Variants in RGSL1 observed in about 807,000 individuals in gnomAD.
RGSL1 encodes regulator of G protein signaling like 1.
Under a neutral mutation model 124.7 loss-of-function variants are expected in RGSL1, and 97 were observed. The observed-to-expected ratio is 0.78, with a 90% CI of 0.66 to 0.92. RGSL1 has a LOEUF of 0.92. Among genes scored for constraint, RGSL1 ranks in the 40% least tolerant of loss-of-function variants. The probability of loss-of-function intolerance (pLI) is 0.00; values close to 1 mark genes in which losing one functional copy is unlikely to be tolerated. For missense variants in RGSL1, 1,233 were observed against 1,288.4 expected, an observed-to-expected ratio of 0.96 and a Z score of 0.66; for synonymous variants, 424 against 438.1, an observed-to-expected ratio of 0.97 and a Z score of 0.40.
At chr1:182,527,315 G>A (rs922048023) in intron 10 of RGSL1, among the ~76,000 whole-genome samples, 1 of 152,038 alleles carries the variant, frequency 6.6e-6, no homozygotes, top group African/African-American at 2.4e-5. Context: ...GAATTCCCTT[G>A]AAAAAATTGT....
At chr1:182,514,463 C>G (rs1182957808) in intron 9 of RGSL1, among the ~76,000 whole-genome samples, 1 of 152,200 alleles carries the variant, frequency 6.6e-6, no homozygotes, top group Non-Finnish European at 1.5e-5. Flanking sequence ...TGGACTGCTT[C>G]TCAGTGTTCC....
At chr1:182,519,487 C>T (rs1658166083) in intron 9 of RGSL1, among the ~76,000 whole-genome samples, 1 of 36,768 alleles carries the variant, frequency 2.7e-5, no homozygotes. Flanking sequence ...GAAAATAGTT[C>T]TTTTTTTCCC....
intron 6 of RGSL1, among the ~76,000 whole-genome samples, chr1:182,477,500 C>T (rs1654385543): frequency 6.6e-6 from 1 of 152,184 alleles, no homozygotes; most frequent in South Asian, 2.1e-4. Context: ...CTTGCTGACC[C>T]CAGTCCTGAT....
rs776323343 is a variant in RGSL1, at chr1:182,474,550, A to G, written c.1431+8A>G. ...CAGAAGGAGATTTGCAAGGTAGGCC[A>G]TGCCTCACAGAAATAAGTTATATCT... On this transcript the variant is annotated splice_region_variant and intron_variant, in intron 6 of 21. Coordinates refer to ENST00000294854, the MANE Select transcript of RGSL1 (RefSeq NM_001137669.2). The G allele has an allele frequency of 6.5e-6, 10 of 1,530,054 alleles. No homozygotes were observed. The East Asian group carries it at 9.8e-5, about 15-fold the overall frequency. The allele number at this position is 1,530,054 out of a possible 1,614,324, so 94.8% of individuals were successfully genotyped here.
chr1:182,550,934 C>T (rs1165443548), intron 17 of RGSL1, 166 bp from the exon 18 acceptor site: 2 of 607,988 alleles, frequency 3.3e-6, no homozygotes, highest in South Asian at 2.0e-5. Flanking sequence ...GGCCTCAGAA[C>T]AAAGGCCACT....
rs1651780620 is a variant in RGSL1, at chr1:182,451,119, C to T, written c.13+941C>T. 2.9e-5 allele frequency among the ~76,000 whole-genome samples: 4 copies of T among 139,250 alleles called. No homozygotes were observed. In the Admixed American group the frequency reaches 3.0e-4, roughly 11 times the overall value. The allele number at this position is 139,250 out of a possible 152,430, so 91.4% of individuals were successfully genotyped here. A position where few individuals can be genotyped will look rare whatever the true frequency, so the allele number is the denominator to read the frequency against. ...TGAGATCTTGCCACTGCATTCCAGC[C>T]TGGGTGACGGAGTGAGACTTTGGCA... On this transcript the variant is annotated intron_variant, in intron 1 of 21. Coordinates refer to ENST00000294854, the MANE Select transcript of RGSL1 (RefSeq NM_001137669.2).
Position 182,527,674 on chromosome 1 carries a change from C to A in RGSL1, c.2027C>A (p.Thr676Lys). 6.4e-7 allele frequency: 1 copy of A among 1,551,378 alleles called. No homozygotes were observed. The highest frequency in any genetic ancestry group is 8.7e-7 in the Non-Finnish European group (1 of 1,146,614). Residue 676 changes from threonine to lysine, a missense_variant, in exon 11 of 22, where the codon ACA (threonine) becomes AAA (lysine). Thr to Lys is a moderately conservative substitution (Grantham distance 78). Coordinates refer to ENST00000294854, the MANE Select transcript of RGSL1 (RefSeq NM_001137669.2). ...RKAKIPLQFLTAVQKISIETN... is the reference protein window; with the variant it reads ...RKAKIPLQFLKAVQKISIETN... ...GCTAAAATCCCATTGCAATTTCTCA[C>A]AGCTGTACAGAAGATCAGTATAGAG...
chr1:182,520,330 T>C (rs1354397804), intron 9 of RGSL1, among the ~76,000 whole-genome samples: 1 of 152,206 alleles, frequency 6.6e-6, no homozygotes, highest in Admixed American at 6.5e-5. Flanking sequence ...CAGGGCCTCT[T>C]CTCCTTTTGC....
intron 6 of RGSL1, among the ~76,000 whole-genome samples, chr1:182,483,232 G>A (rs1364551395): frequency 6.6e-6 from 1 of 151,974 alleles, no homozygotes; most frequent in Non-Finnish European, 1.5e-5. Context: ...TGAGAGAATA[G>A]GTCTTGTGTT....
intron 9 of RGSL1, among the ~76,000 whole-genome samples, chr1:182,515,497 G>T (rs1657798480): frequency 7.8e-6 from 1 of 128,868 alleles, no homozygotes; most frequent in Admixed American, 9.2e-5. Context: ...CCTATCATAA[G>T]CAGAGTGCAT....
intron 4 of RGSL1, among the ~76,000 whole-genome samples, chr1:182,461,313 GTAATAA>G (rs35515032): frequency 3.3e-5 from 5 of 150,502 alleles, no homozygotes; most frequent in Non-Finnish European, 4.4e-5. Flanking sequence ...ATATCCTACA[GTAATAA>G]TAATAATAAT....
At chr1:182,488,411 G>A (rs190642583) in intron 7 of RGSL1, 64 bp downstream of exon 7, 2 of 1,358,488 alleles carry the variant, frequency 1.5e-6, no homozygotes, top group Admixed American at 3.9e-5. Flanking sequence ...AGTAATTACT[G>A]TTTTAAAAGG....
rs1659256181 is a variant in RGSL1, at chr1:182,532,658, C to G, written c.2365-4C>G. On this transcript the variant is annotated splice_polypyrimidine_tract_variant and splice_region_variant and intron_variant, in intron 13 of 21. Transcript: ENST00000294854. ...ACATGTTATACTCCTCTTTCTTTCCCCAGAAGAAAGGCTGGATGAGAATGA... is the reference window on the plus strand; with the variant it reads ...ACATGTTATACTCCTCTTTCTTTCCGCAGAAGAAAGGCTGGATGAGAATGA... 1 of 1,549,888 alleles carries G rather than the reference C, an allele frequency of 6.5e-7. No homozygotes were observed. The highest frequency in any genetic ancestry group is 2.0e-5 in the Admixed American group (1 of 50,922).
At chr1:182,450,652 T>G (rs186543419) in intron 1 of RGSL1, 415 of 193,070 alleles carry the variant, frequency 2.1e-3, no homozygotes, top group Middle Eastern at 4.7e-3. Flanking sequence ...TCTCTATATC[T>G]CCTTAAGACT....
intron 10 of RGSL1, among the ~76,000 whole-genome samples, chr1:182,523,770 A>G (rs1658531864): frequency 6.6e-6 from 1 of 152,222 alleles, no homozygotes. Flanking sequence ...TAATGATACA[A>G]AAACTAAGAC....
chr1:182,514,025 C>T (rs990411443), intron 9 of RGSL1, among the ~76,000 whole-genome samples: 10 of 151,874 alleles, frequency 6.6e-5, no homozygotes, highest in African/African-American at 2.4e-4. Context: ...TCCTGAGTAG[C>T]TGGGATTACA....
upstream of RGSL1, among the ~76,000 whole-genome samples, chr1:182,449,580 A>T (rs190031813): frequency 6.9e-4 from 105 of 152,302 alleles, no homozygotes; most frequent in African/African-American, 2.4e-3. Context: ...GAAAACCAAG[A>T]GCCTGAAGAG....
chr1:182,530,651 A>AAGAG (rs1200746730), intron 12 of RGSL1, 139 bp from the exon 13 acceptor site: 5 of 997,208 alleles, frequency 5.0e-6, no homozygotes, highest in Non-Finnish European at 7.1e-6. Flanking sequence ...ATAGAGTAAG[A>AAGAG]AGAGAATTTT....
At chr1:182,520,261 G>T (rs997037785) in intron 9 of RGSL1, among the ~76,000 whole-genome samples, 2 of 152,100 alleles carry the variant, frequency 1.3e-5, no homozygotes, top group Admixed American at 6.5e-5. Flanking sequence ...CCTTCATGAT[G>T]AACTATTTAT....
Sources: gnomAD v4.1 joint callset for allele counts (sites outside exome capture counted in the v4.1 genomes callset) on GRCh38, gnomAD v4.1.1 for gene constraint, MANE v1.5 for transcripts, NCBI Gene and HGNC (gene_info 2026-07-23, HGNC 2026-07-21) for gene names.